The following ERG variants were observed in gnomAD, a reference collection of about 807,000 sequenced individuals.
The protein encoded by ERG is ETS transcription factor ERG.
A neutral mutation model predicts 55.3 loss-of-function variants in ERG; 9 were observed. That is an observed-to-expected ratio of 0.16 (90% CI 0.10 to 0.28). The LOEUF (loss-of-function observed/expected upper bound fraction) is 0.28. ERG is among the 10% of genes least tolerant of loss of function. The pLI, the probability that ERG is intolerant of heterozygous loss-of-function variation, is 1.00. For synonymous variants in ERG, 223 were observed against 237.3 expected (o/e 0.94, Z 0.55); for missense variants, 434 against 631.6 (o/e 0.69, Z 3.35).
At chr21:38,660,707 C>T (rs1361615163) in intron 1 of ERG, 1 of 151,874 alleles carries the variant, frequency 6.6e-6, no homozygotes, top group Admixed American at 6.6e-5. Context: ...CTCCGGCTCC[C>T]GCCAATCGCG....
intron 6 of ERG, chr21:38,400,160 C>T: frequency 2.5e-6 from 1 of 403,722 alleles, no homozygotes. Context: ...CTACTGGTTG[C>T]ATGCTTCTGC....
chr21:38,384,521 C>T (rs563790728), intron 9 of ERG, among the ~76,000 whole-genome samples: 41 of 152,292 alleles, frequency 2.7e-4, no homozygotes, highest in Non-Finnish European at 4.6e-4. Context: ...TTCTGACGTC[C>T]TTAAAAGAAC....
chr21:38,501,231 AATTTTTTTTGT>A (rs2059419107), upstream of ERG, among the ~76,000 whole-genome samples: 1 of 151,602 alleles, frequency 6.6e-6, no homozygotes, highest in Non-Finnish European at 1.5e-5. Context: ...ACACCTGGCT[AATTTTTTTTGT>A]ATTTTTAGTA....
intron 2 of ERG, among the ~76,000 whole-genome samples, chr21:38,443,958 C>T (rs1446122461): frequency 6.6e-6 from 1 of 152,164 alleles, no homozygotes; most frequent in Non-Finnish European, 1.5e-5. Flanking sequence ...AGAGCCAGTG[C>T]ACTTTCAAGA....
chr21:38,573,217 T>C (rs1215880523), intron 2 of ERG, among the ~76,000 whole-genome samples: 3 of 152,244 alleles, frequency 2.0e-5, no homozygotes, highest in Non-Finnish European at 4.4e-5. Context: ...AAGCGGGGTA[T>C]TGTCCAAGGT....
At chr21:38,493,738 A>C (rs1433603807) in intron 1 of ERG, among the ~76,000 whole-genome samples, 1 of 152,094 alleles carries the variant, frequency 6.6e-6, no homozygotes, top group Non-Finnish European at 1.5e-5. Flanking sequence ...TGGACGCTCC[A>C]CCTGCCCCTG....
chr21:38,655,246 C>T (rs2060511775), intron 1 of ERG, among the ~76,000 whole-genome samples: 1 of 152,094 alleles, frequency 6.6e-6, no homozygotes, highest in African/African-American at 2.4e-5. Context: ...CCACAGGGCC[C>T]TCATAATAGC....
At chr21:38,468,036 T>C (rs1434573708) in intron 1 of ERG, among the ~76,000 whole-genome samples, 1 of 152,202 alleles carries the variant, frequency 6.6e-6, no homozygotes, top group Non-Finnish European at 1.5e-5. Flanking sequence ...CATCAACCAA[T>C]GATTGAAGCT....
chr21:38,548,420 C>T (rs2059801396), intron 2 of ERG, among the ~76,000 whole-genome samples: 1 of 151,902 alleles, frequency 6.6e-6, no homozygotes, highest in South Asian at 2.1e-4. Flanking sequence ...TTATAGTTTT[C>T]CTCTCTTAAA....
At chr21:38,652,764 C>A (rs897339627) in intron 1 of ERG, among the ~76,000 whole-genome samples, 2 of 152,220 alleles carry the variant, frequency 1.3e-5, no homozygotes, top group African/African-American at 4.8e-5. Context: ...GAGGCTGTCT[C>A]CCTGCTCGGG....
intron 2 of ERG, among the ~76,000 whole-genome samples, chr21:38,509,439 A>G (rs1419111667): frequency 6.6e-6 from 1 of 152,232 alleles, no homozygotes; most frequent in Non-Finnish European, 1.5e-5. Context: ...CCAAAATTAC[A>G]ACAGTATTTT....
At chr21:38,627,101 TA>T (rs146669380) in intron 1 of ERG, among the ~76,000 whole-genome samples, 2,210 of 150,868 alleles carry the variant, frequency 0.015, 56 homozygotes, top group African/African-American at 0.049. Context: ...ATACCGAGAA[TA>T]AAAAAAAATT....
At chr21:38,410,996 C>G (rs1490549509) in intron 3 of ERG, among the ~76,000 whole-genome samples, 2 of 152,148 alleles carry the variant, frequency 1.3e-5, no homozygotes, top group Non-Finnish European at 2.9e-5. Context: ...GTTTATAAAT[C>G]CAGGCCCTGG....
At chr21:38,661,260 C>G (rs2060554534) in intron 1 of ERG, among the ~76,000 whole-genome samples, 1 of 152,204 alleles carries the variant, frequency 6.6e-6, no homozygotes, top group Admixed American at 6.5e-5. Context: ...ATTTTTCCAG[C>G]CTCATTGAAA....
At chr21:38,387,123 T>A (rs866004373) in intron 9 of ERG, among the ~76,000 whole-genome samples, 1 of 152,070 alleles carries the variant, frequency 6.6e-6, no homozygotes, top group African/African-American at 2.4e-5. Context: ...AGCAGAGAGC[T>A]GCAGAGTGAG....
chr21:38,482,070 G>A (rs1407785879), intron 1 of ERG, among the ~76,000 whole-genome samples: 1 of 152,180 alleles, frequency 6.6e-6, no homozygotes, highest in African/African-American at 2.4e-5. Context: ...GGGTTGCCTG[G>A]AAACTGTATT....
chr21:38,567,072 C>CT (rs935671387), intron 2 of ERG, among the ~76,000 whole-genome samples: 11 of 83,760 alleles, frequency 1.3e-4, no homozygotes, highest in Admixed American at 1.2e-4. Context: ...AATCGCCAGA[C>CT]TGGGGGGGGG....
intron 1 of ERG, among the ~76,000 whole-genome samples, chr21:38,595,714 A>C (rs2060126996): frequency 6.6e-6 from 1 of 152,066 alleles, no homozygotes; most frequent in Non-Finnish European, 1.5e-5. Flanking sequence ...AAGAATGGAG[A>C]GAGATGGAAA....
intron 2 of ERG, among the ~76,000 whole-genome samples, chr21:38,563,288 T>C (rs1021116316): frequency 6.6e-6 from 1 of 152,184 alleles, no homozygotes; most frequent in Non-Finnish European, 1.5e-5. Context: ...TAATGAGAAC[T>C]CTGGACTTTG....
Sources: gnomAD v4.1 joint callset for allele counts (sites outside exome capture counted in the v4.1 genomes callset) on GRCh38, gnomAD v4.1.1 for gene constraint, MANE v1.5 for transcripts, NCBI Gene and HGNC (gene_info 2026-07-23, HGNC 2026-07-21) for gene names.